PLS3: variants seen among roughly 807,000 people sequenced by gnomAD.
The protein encoded by PLS3 is plastin 3.
A neutral mutation model predicts 46.5 loss-of-function variants in PLS3; 11 were observed. The observed-to-expected ratio is 0.24, with a 90% CI of 0.15 to 0.39. PLS3 has a LOEUF of 0.39. Among genes scored for constraint, PLS3 ranks in the 10% least tolerant of loss-of-function variants. PLS3 has a pLI of 1.00. For missense variants in PLS3, 308 were observed against 461.8 expected (o/e 0.67, Z 3.05); for synonymous variants, 167 against 162.2 (o/e 1.03, Z -0.22).
rs1556637743 is a variant in PLS3, at chrX:115,622,268, T to C, written c.96T>C (p.Ile32=). 3 of 1,200,294 alleles carry C rather than the reference T, an allele frequency of 2.5e-6. No individual in the cohort carries two copies. Among genetic ancestry groups the C allele is most frequent in the East Asian group, 3.0e-5 (1 of 33,567 alleles). The stretch of plus-strand genomic sequence containing the variant: ...AAGATCTCAACAGCAACGGATTCAT[T>C]TGTGACTATGAACTTCATGAGCTCT... ...AKVDLNSNGF[I]CDYELHELFK... is the part of the protein sequence containing the mutation. Residue 32 remains isoleucine (I), a synonymous_variant, in exon 3 of 16, where the codon ATT becomes ATC. Coordinates refer to ENST00000355899, the MANE Select transcript of PLS3 (RefSeq NM_005032.7).
chrX:115,578,448 A>T lies in PLS3; in HGVS notation c.-9+17188A>T, dbSNP rs782059950. On this transcript the variant is annotated intron_variant, in intron 1 of 15. Coordinates refer to ENST00000355899, the MANE Select transcript of PLS3 (RefSeq NM_005032.7). ...AAAAAAGTTTTGAAAAGATAAAGCTAGGCGTGGTGGCTCACGCCTGTAATC... is the reference window on the plus strand; with the variant it reads ...AAAAAAGTTTTGAAAAGATAAAGCTTGGCGTGGTGGCTCACGCCTGTAATC... 1.0e-3 allele frequency among the ~76,000 whole-genome samples: 115 copies of T among 111,621 alleles called. 2 individuals are homozygous for T. The highest frequency in any genetic ancestry group is 3.0e-4 in the Non-Finnish European group (16 of 53,183).
At chrX:115,627,057 C>T (rs1307510509) in intron 3 of PLS3, among the ~76,000 whole-genome samples, 3 of 109,726 alleles carry the variant, frequency 2.7e-5, no homozygotes, top group Non-Finnish European at 5.7e-5. Context: ...TCAAGTTGGC[C>T]AGGCTGGTCT....
Position 115,643,463 on chromosome X carries a change from C to A in PLS3, c.1138C>A (p.Leu380Ile). 1 of 1,204,111 alleles carries A rather than the reference C, an allele frequency of 8.3e-7. No individual in the cohort carries two copies. The highest frequency in any genetic ancestry group is 1.1e-6 in the Non-Finnish European group (1 of 889,107). ...TAACCTGTTTAATAAATACCCAGCACTAACTAAGCCAGAGAACCAGGATAT... is the reference window on the plus strand; with the variant it reads ...TAACCTGTTTAATAAATACCCAGCAATAACTAAGCCAGAGAACCAGGATAT... Reference protein sequence around the residue: ...VANLFNKYPALTKPENQDIDW... With the variant: ...VANLFNKYPAITKPENQDIDW... The change falls in exon 10 of 16, where the codon CTA becomes ATA. Residue 380 changes from leucine (L) to isoleucine (I), a missense_variant. Physicochemically the swap from Leu to Ile is conservative, Grantham distance 5 (BLOSUM62 2). Coordinates refer to ENST00000355899, the MANE Select transcript of PLS3 (RefSeq NM_005032.7).
intron 1 of PLS3, among the ~76,000 whole-genome samples, chrX:115,591,520 A>G (rs1000534596): frequency 2.7e-5 from 3 of 111,977 alleles, no homozygotes; most frequent in Non-Finnish European, 3.8e-5. Context: ...ATACTGCTAC[A>G]TATCTGAAAA....
intron 1 of PLS3, among the ~76,000 whole-genome samples, chrX:115,577,714 C>G (rs2074256826): frequency 9.0e-6 from 1 of 111,094 alleles, no homozygotes; most frequent in Admixed American, 9.7e-5. Context: ...CTGACCTAAA[C>G]TGATCCTCCC....
chrX:115,631,673 C>G (rs1172436428), intron 5 of PLS3, among the ~76,000 whole-genome samples: 2 of 111,462 alleles, frequency 1.8e-5, no homozygotes, highest in Non-Finnish European at 3.8e-5. Flanking sequence ...TACAAGGCGG[C>G]AGTGAGCCAG....
intron 2 of PLS3, among the ~76,000 whole-genome samples, chrX:115,615,523 G>GAGAGAC (rs1556636683): frequency 2.8e-5 from 3 of 105,814 alleles, no homozygotes; most frequent in African/African-American, 1.0e-4. Flanking sequence ...GAGAGAGAGA[G>GAGAGAC]AGAGAGAAAG....
chrX:115,634,428 A>G (rs1211871833), intron 6 of PLS3, among the ~76,000 whole-genome samples: 2 of 111,885 alleles, frequency 1.8e-5, no homozygotes, highest in African/African-American at 6.5e-5. Context: ...TCAAGTGAAT[A>G]TTAGATTATT....
intron 8 of PLS3, 148 bp from the exon 9 acceptor site, chrX:115,640,260 T>G: frequency 1.6e-6 from 1 of 631,411 alleles, no homozygotes; most frequent in Admixed American, 3.1e-5. Flanking sequence ...TGGACTTTTC[T>G]GGGGAAAACA....
chrX:115,601,097 C>T lies in PLS3; in HGVS notation c.-8-9146C>T, dbSNP rs782685962. On this transcript the variant is annotated intron_variant, in intron 1 of 15. Coordinates refer to ENST00000355899, the MANE Select transcript of PLS3 (RefSeq NM_005032.7). ...CTTGGGTGCGGACAATCTGAAGATA[C>T]TTCCTGAAATAGGCTTTTGAAGTGT... Among the ~76,000 whole-genome samples, 3 of 110,514 alleles carry T rather than the reference C, an allele frequency of 2.7e-5. No homozygotes were observed. In the South Asian group the frequency reaches 1.2e-3, roughly 43 times the overall value.
At chrX:115,612,927 A>G (rs192668242) in intron 2 of PLS3, among the ~76,000 whole-genome samples, 1 of 112,087 alleles carries the variant, frequency 8.9e-6, no homozygotes, top group East Asian at 2.8e-4. Context: ...TGATGTTTCA[A>G]ATTTAATTTA....
chrX:115,609,682 A>C (rs2147487661), intron 1 of PLS3, among the ~76,000 whole-genome samples: 1 of 112,562 alleles, frequency 8.9e-6, no homozygotes, highest in South Asian at 3.6e-4. Context: ...CTCAGATAAT[A>C]TAATAATTTA....
At chrX:115,569,358 T>G (rs1283299787) in intron 1 of PLS3, among the ~76,000 whole-genome samples, 3 of 111,938 alleles carry the variant, frequency 2.7e-5, no homozygotes, top group Non-Finnish European at 5.6e-5. Flanking sequence ...CCTATGAACA[T>G]TCAGTATCCT....
At chrX:115,642,662 C>A (rs2074910390) in intron 9 of PLS3, among the ~76,000 whole-genome samples, 1 of 110,447 alleles carries the variant, frequency 9.1e-6, no homozygotes, top group Non-Finnish European at 1.9e-5. Context: ...CAGCTGAGAG[C>A]CAGTAGAAAA....
rs143815252 is a variant in PLS3 at position 115,629,935 on chromosome X, G to C, written c.468G>C (p.Leu156=). Residue 156 remains leucine (L), a synonymous_variant, in exon 5 of 16, where the codon CTG becomes CTC. Transcript: ENST00000355899. The stretch of plus-strand genomic sequence containing the variant: ...CAATGAACCCTAACACCGATGACCT[G>C]TTCAAAGCTGTTGGTGATGGAATTG... The part of the protein sequence containing the change: ...VIPMNPNTDD[L]FKAVGDGIVL... The C allele has an allele frequency of 4.6e-5, 54 of 1,176,716 alleles. No homozygotes were observed. In the African/African-American group the frequency reaches 7.8e-4, roughly 17 times the overall value.
In PLS3 at chrX:115,565,447, T is replaced by A. The variant is rs186107457; in HGVS notation, c.-9+4187T>A. 1.8e-3 allele frequency among the ~76,000 whole-genome samples: 205 copies of A among 110,991 alleles called. 1 individual carries two copies. The highest frequency in any genetic ancestry group is 6.3e-3 in the African/African-American group (194 of 30,589). On this transcript the variant is annotated intron_variant, in intron 1 of 15. Transcript: ENST00000355899. The stretch of plus-strand genomic sequence containing the variant: ...ATCATTGAACTTGCCCTCAGAGGAA[T>A]TAGATTCTAGATAGTGCTCTGCCAT...
At chrX:115,574,896 A>T (rs1170599290) in intron 1 of PLS3, among the ~76,000 whole-genome samples, 1 of 112,079 alleles carries the variant, frequency 8.9e-6, no homozygotes, top group Non-Finnish European at 1.9e-5. Flanking sequence ...ATCTATTTTT[A>T]TAGATTTTAG....
At chrX:115,616,967 T>G (rs1211706580) in intron 2 of PLS3, among the ~76,000 whole-genome samples, 1 of 111,707 alleles carries the variant, frequency 9.0e-6, no homozygotes, top group Non-Finnish European at 1.9e-5. Context: ...GGTAAAACTT[T>G]TAGAAGACGA....
intron 1 of PLS3, among the ~76,000 whole-genome samples, chrX:115,588,861 A>G (rs1461121142): frequency 8.9e-6 from 1 of 111,744 alleles, no homozygotes; most frequent in Non-Finnish European, 1.9e-5. Context: ...TGTCTTTTAA[A>G]TTCATTCATT....
Sources: gnomAD v4.1 joint callset for allele counts (sites outside exome capture counted in the v4.1 genomes callset) on GRCh38, gnomAD v4.1.1 for gene constraint, MANE v1.5 for transcripts, NCBI Gene and HGNC (gene_info 2026-07-23, HGNC 2026-07-21) for gene names.